Variants in H6PD observed in about 807,000 individuals in gnomAD.
H6PD encodes the protein GDH/6PGL endoplasmic bifunctional protein.
A neutral mutation model predicts 61.2 loss-of-function variants in H6PD; 48 were observed. The observed-to-expected ratio is 0.78, with a 90% CI of 0.62 to 1.00. The LOEUF is 1.00. Ranked by LOEUF, H6PD falls within the 50% of genes least tolerant of loss-of-function variation. The pLI is 0.00. For missense variants in H6PD, 1,093 were observed against 1,065.0 expected (o/e 1.03, Z -0.37); for synonymous variants, 480 against 457.9 (o/e 1.05, Z -0.62).
chr1:9,262,019 C>T (rs762494515), intron 3 of H6PD, 40 bp from the exon 4 acceptor site: 2 of 1,610,050 alleles, frequency 1.2e-6, no homozygotes, highest in Admixed American at 1.7e-5. Flanking sequence ...GTTCTGGCCT[C>T]TCTTTAGATC....
chr1:9,244,340 AGGGGTTGAGCT>A (rs1318160323), intron 1 of H6PD, among the ~76,000 whole-genome samples: 1 of 152,228 alleles, frequency 6.6e-6, no homozygotes, highest in East Asian at 1.9e-4. Context: ...GCACTTACTA[AGGGGTTGAGCT>A]GGGATTCAAA....
chr1:9,264,469 A>G lies in H6PD; in HGVS notation c.1976A>G (p.Gln659Arg), dbSNP rs759694369. The G allele has an allele frequency of 6.2e-7, 1 of 1,613,250 alleles. No individual in the cohort carries two copies. Among genetic ancestry groups the G allele is most frequent in the Non-Finnish European group, 8.5e-7 (1 of 1,179,946 alleles). ...YNIHPMPVHLQQRLCAEEDQG... is the reference protein window; with the variant it reads ...YNIHPMPVHLRQRLCAEEDQG... ...ATCCACCCCATGCCTGTGCACCTGC[A>G]GCAGCGGCTCTGCGCCGAGGAGGAC... Residue 659 changes from glutamine (Q) to arginine (R), a missense_variant, in exon 5 of 5, where the codon CAG becomes CGG. By Grantham distance (43) the Gln-to-Arg change is conservative. Coordinates refer to ENST00000377403, the MANE Select transcript of H6PD (RefSeq NM_004285.4).
At chr1:9,242,293 G>A (rs896444676) in intron 1 of H6PD, among the ~76,000 whole-genome samples, 3 of 151,326 alleles carry the variant, frequency 2.0e-5, no homozygotes, top group African/African-American at 7.3e-5. Flanking sequence ...AGATCCCCAG[G>A]AAATTCAAAT....
chr1:9,251,436 CTGTTGT>C (rs58988268), intron 3 of H6PD, among the ~76,000 whole-genome samples: 34,336 of 151,178 alleles, frequency 0.23, 4,113 homozygotes, highest in East Asian at 0.43. Context: ...AGAAGGCCTG[CTGTTGT>C]TGTTGTTGTT....
rs201787740 is a variant in H6PD at position 9,262,115 on chromosome 1, C to T, written c.802C>T (p.Leu268=). 1.1e-5 allele frequency: 17 copies of T among 1,614,230 alleles called. No individual in the cohort carries two copies. The highest frequency in any genetic ancestry group is 3.3e-5 in the Admixed American group (2 of 60,032). ...CATTCGCGACGTCCTCCAGAACCAT[C>T]TGACGGAGGTCCTCACCCTCGTGGC... ...GVIRDVLQNH[L]TEVLTLVAME... Residue 268 remains leucine, a synonymous_variant, in exon 4 of 5, where the codon CTG becomes TTG. Coordinates refer to ENST00000377403, the MANE Select transcript of H6PD (RefSeq NM_004285.4).
chr1:9,264,037 T>G lies in H6PD; in HGVS notation c.1544T>G (p.Phe515Cys), dbSNP rs1189608813. The change falls in exon 5 of 5, where the codon TTC (phenylalanine) becomes TGC (cysteine). Residue 515 changes from phenylalanine to cysteine, a missense_variant. Transcript: ENST00000377403. ...AATGGCCGTCTGTTGGACTTTGAGT[T>G]CAGTAGCGGCCGGTTGTTCTTTTCC... ...AENGRLLDFE[F>C]SSGRLFFSQQ... is the part of the protein sequence containing the mutation. The G allele has an allele frequency of 6.2e-7, 1 of 1,614,192 alleles. No individual in the cohort carries two copies. Among genetic ancestry groups the G allele is most frequent in the Non-Finnish European group, 8.5e-7 (1 of 1,180,042 alleles).
At position 9,266,029 on chromosome 1, in the gene H6PD, C is replaced by T. The variant is rs532274162; in HGVS notation, c.*1160C>T. ...CAGGGGACTCCCGGATGGGTGTTTC[C>T]GCTCTCAATAGCCCCTCTTGTTTTA... On this transcript the variant is annotated 3_prime_UTR_variant, in exon 5 of 5. Coordinates refer to ENST00000377403, the MANE Select transcript of H6PD (RefSeq NM_004285.4). The T allele has an allele frequency of 1.3e-5, 2 of 152,380 alleles. No individual in the cohort carries two copies. The highest frequency in any genetic ancestry group is 2.4e-5 in the African/African-American group (1 of 41,570). 9.4% of individuals were successfully genotyped at this position (152,380 alleles called of 1,614,324 possible).
intron 1 of H6PD, among the ~76,000 whole-genome samples, chr1:9,242,346 T>TAAA (rs35486518): frequency 2.2e-4 from 33 of 147,684 alleles, no homozygotes; most frequent in East Asian, 9.8e-4. Context: ...TAAAAAAACA[T>TAAA]AAAAAAAAAA....
At position 9,269,010 on chromosome 1, in the gene H6PD, G is replaced by A. The variant is rs1375370335; in HGVS notation, c.*4141G>A. ...TTTACCAGCTACGTTTTTATCTTAA[G>A]CACATGGGGCTCCCTTAGAACTTAC... On this transcript the variant is annotated 3_prime_UTR_variant, in exon 5 of 5. Coordinates refer to ENST00000377403, the MANE Select transcript of H6PD (RefSeq NM_004285.4). The surrounding 1 kb of genome is among the most constrained non-coding windows in gnomAD (Gnocchi z 4.3). The A allele has an allele frequency of 6.6e-6, 1 of 151,812 alleles. No homozygotes were observed. The highest frequency in any genetic ancestry group is 1.5e-5 in the Non-Finnish European group (1 of 67,968). The allele number at this position is 151,812 out of a possible 1,614,324, so 9.4% of individuals were successfully genotyped here.
chr1:9,255,157 G>T (rs1249637992), intron 3 of H6PD, among the ~76,000 whole-genome samples: 2 of 152,232 alleles, frequency 1.3e-5, no homozygotes, highest in African/African-American at 2.4e-5. Context: ...GAGCATTCAT[G>T]TACAAGCTTT....
intron 3 of H6PD, among the ~76,000 whole-genome samples, chr1:9,257,418 T>C (rs1224142322): frequency 6.6e-6 from 1 of 152,206 alleles, no homozygotes; most frequent in Non-Finnish European, 1.5e-5. Context: ...ATTACCAGCA[T>C]GAGCCAGTCC....
At chr1:9,246,077 G>A (rs541156920) in intron 2 of H6PD, among the ~76,000 whole-genome samples, 260 of 152,060 alleles carry the variant, frequency 1.7e-3, no homozygotes, top group Admixed American at 6.8e-3. Context: ...CAAGTAGCTC[G>A]GAGTACAGGC....
At chr1:9,256,797 CG>C (rs1047930008) in intron 3 of H6PD, among the ~76,000 whole-genome samples, 2 of 152,202 alleles carry the variant, frequency 1.3e-5, no homozygotes, top group African/African-American at 4.8e-5. Flanking sequence ...GATTCTCCTG[CG>C]TGTCCCTCCC....
chr1:9,257,602 G>T (rs1023581130), intron 3 of H6PD, among the ~76,000 whole-genome samples: 6 of 152,164 alleles, frequency 3.9e-5, no homozygotes, highest in African/African-American at 1.4e-4. Context: ...TGCAGCAGAG[G>T]GCAGATGCCA....
At chr1:9,253,995 T>C (rs1641443482) in intron 3 of H6PD, among the ~76,000 whole-genome samples, 1 of 152,186 alleles carries the variant, frequency 6.6e-6, no homozygotes, top group Non-Finnish European at 1.5e-5. Flanking sequence ...GGATTGTTGC[T>C]TGTTCGTATG....
chr1:9,245,924 G>C lies in H6PD; in HGVS notation c.627+363G>C, dbSNP rs1440788514. Reference sequence around the variant, plus strand: ...GGGTGTGCTGTGGGAATCAGAATGAGCTCTCTTCTCCTGCACCCATCCACC... The same window carrying C: ...GGGTGTGCTGTGGGAATCAGAATGACCTCTCTTCTCCTGCACCCATCCACC... On this transcript the variant is annotated intron_variant, in intron 2 of 4. Coordinates refer to ENST00000377403, the MANE Select transcript of H6PD (RefSeq NM_004285.4). The surrounding 1 kb of genome is among the most constrained non-coding windows in gnomAD (Gnocchi z 4.8). Among the ~76,000 whole-genome samples the C allele has an allele frequency of 6.6e-6, 1 of 151,778 alleles. No homozygotes were observed. The highest frequency in any genetic ancestry group is 1.9e-4 in the East Asian group (1 of 5,166).
intron 4 of H6PD, 118 bp downstream of exon 4, chr1:9,262,446 T>C: frequency 1.0e-6 from 1 of 976,350 alleles, no homozygotes; most frequent in East Asian, 2.6e-5. Flanking sequence ...TCCCCCAGGG[T>C]GCTCGGAGGC....
chr1:9,243,104 C>CA, intron 1 of H6PD: 1 of 351,630 alleles, frequency 2.8e-6, no homozygotes, highest in Non-Finnish European at 4.0e-6. Context: ...GACACTGGCT[C>CA]AGACACTGTG....
intron 3 of H6PD, among the ~76,000 whole-genome samples, chr1:9,256,600 G>A (rs1641526619): frequency 6.6e-6 from 1 of 152,200 alleles, no homozygotes; most frequent in Non-Finnish European, 1.5e-5. Flanking sequence ...ACCCAGAGTG[G>A]CTGCTGGGAG....
Sources: gnomAD v4.1 joint callset for allele counts (sites outside exome capture counted in the v4.1 genomes callset) on GRCh38, gnomAD v4.1.1 for gene constraint, Gnocchi (gnomAD v3.1) non-coding constraint, MANE v1.5 for transcripts, NCBI Gene and HGNC (gene_info 2026-07-23, HGNC 2026-07-21) for gene names.